Variants in XCL2 observed in about 807,000 individuals in gnomAD.
XCL2 encodes the protein cytokine SCM-1 beta.
XCL2 carries 8 observed loss-of-function variants against 7.2 expected under a neutral mutation model. The observed-to-expected ratio is 1.10, with a 90% CI of 0.65 to 1.99. The LOEUF is 1.99. XCL2 is among the 30% of genes most tolerant of loss of function. XCL2 has a pLI of 0.00. For synonymous variants in XCL2, 46 were observed against 54.2 expected (o/e 0.85, Z 0.67); for missense variants, 131 against 138.6 (o/e 0.94, Z 0.28).
At chr1:168,541,268 C>G in intron 2 of XCL2, 148 bp from the exon 3 acceptor site, 1 of 1,132,028 alleles carries the variant, frequency 8.8e-7, no homozygotes, top group Non-Finnish European at 1.2e-6. Context: ...TAAATGAGCA[C>G]CCTTCTTCTG....
rs1449908490 is a variant in XCL2, at chr1:168,542,028, G to A, written c.141C>T (p.Thr47=). 7 of 1,607,122 alleles carry A rather than the reference G, an allele frequency of 4.4e-6. No homozygotes were observed. The East Asian group carries it at 1.6e-4, about 36-fold the overall frequency. Residue 47 remains threonine (T), a synonymous_variant, in exon 2 of 3, where the codon ACC becomes ACT. Transcript: ENST00000367819. ...TCAAGGAGCCTTCCGTGATGGTGTA[G>A]GTCTTGATTCTGCTAACTGGCAGTC... The part of the protein sequence containing the change: ...TQRLPVSRIK[T]YTITEGSLRA...
intron 2 of XCL2, 108 bp from the exon 3 acceptor site, chr1:168,541,228 A>G (rs1654274862): frequency 2.2e-6 from 3 of 1,387,370 alleles, no homozygotes; most frequent in Admixed American, 2.6e-5. Context: ...AAATTACTGC[A>G]AGAAATAGTC....
chr1:168,543,887 A>T lies in XCL2; in HGVS notation c.61+17T>A, dbSNP rs1654343990. The T allele has an allele frequency of 6.3e-7, 1 of 1,595,976 alleles. No homozygotes were observed. ...TGCCTCCCTATTCTTTATCTCACAG[A>T]CAGCTTCTCCACTTACCTTCCACAA... On this transcript the variant is annotated intron_variant, in intron 1 of 2. Transcript: ENST00000367819.
rs576188088 is a variant in XCL2 at position 168,541,747 on chromosome 1, T to C, written c.176+246A>G. The stretch of plus-strand genomic sequence containing the variant: ...GAGCTGTGCACAGTATTCAACAGAC[T>C]CTTCCACTAAGACAAATAGAGGAGG... On this transcript the variant is annotated intron_variant, in intron 2 of 2. Transcript: ENST00000367819. Among the ~76,000 whole-genome samples, 3 of 152,312 alleles carry C rather than the reference T, an allele frequency of 2.0e-5. No individual in the cohort carries two copies. In the East Asian group the frequency reaches 5.8e-4, roughly 29 times the overall value.
intron 2 of XCL2, 45 bp downstream of exon 2, chr1:168,541,948 C>T (rs750415654): frequency 1.3e-5 from 20 of 1,593,402 alleles, no homozygotes; most frequent in South Asian, 1.0e-4. Context: ...TATTTCTATA[C>T]CTCTAGGTAC....
intron 2 of XCL2, 150 bp downstream of exon 2, chr1:168,541,843 G>A (rs114737056): frequency 0.11 from 68,275 of 638,398 alleles, 4,091 homozygotes; most frequent in Middle Eastern, 0.17. Context: ...GAAAGACATG[G>A]TTGATAAGGA....
In XCL2 at chr1:168,543,107, A is replaced by G. The variant is rs1264729478; in HGVS notation, c.61+797T>C. Reference sequence around the variant, plus strand: ...GGCCCAGGCTGAGAAGAAAGCTGCTAGCAAAGGGGTTGTCCCCACTAGGAA... The same window carrying G: ...GGCCCAGGCTGAGAAGAAAGCTGCTGGCAAAGGGGTTGTCCCCACTAGGAA... On this transcript the variant is annotated intron_variant, in intron 1 of 2. Coordinates refer to ENST00000367819, the MANE Select transcript of XCL2 (RefSeq NM_003175.4). The G allele has an allele frequency of 1.7e-4, 60 of 358,136 alleles. No homozygotes were observed. The Admixed American group carries it at 2.3e-3, about 14-fold the overall frequency. 22.2% of individuals were successfully genotyped at this position (358,136 alleles called of 1,614,324 possible). A position where few individuals can be genotyped will look rare whatever the true frequency, so the allele number is the denominator to read the frequency against.
In XCL2 at chr1:168,541,975, C is replaced by T. The variant is rs747789111; in HGVS notation, c.176+18G>A. The T allele has an allele frequency of 1.2e-6, 2 of 1,609,726 alleles. No individual in the cohort carries two copies. Among genetic ancestry groups the T allele is most frequent in the Non-Finnish European group, 1.7e-6 (2 of 1,177,716 alleles). On this transcript the variant is annotated intron_variant, in intron 2 of 2. Coordinates refer to ENST00000367819, the MANE Select transcript of XCL2 (RefSeq NM_003175.4). ...TCTAGGTACCCACCCAGCCCAACTT[C>T]TGAGGAGGCAGACTCACATTACTGC...
chr1:168,543,924 A>T lies in XCL2; in HGVS notation c.41T>A (p.Leu14His). The T allele has an allele frequency of 1.2e-6, 2 of 1,610,986 alleles. No homozygotes were observed. The highest frequency in any genetic ancestry group is 1.7e-6 in the Non-Finnish European group (2 of 1,178,602). Reference sequence around the variant, plus strand: ...CTTACCTTCCACAATGTATGCAGTGAGAGAGCAGATGCCAAGGAGGGCCAG... The same window carrying T: ...CTTACCTTCCACAATGTATGCAGTGTGAGAGCAGATGCCAAGGAGGGCCAG... ...LILALLGICS[L>H]TAYIVEGVGS... is the part of the protein sequence containing the mutation. The change falls in exon 1 of 3, where the codon CTC (leucine) becomes CAC (histidine). Residue 14 changes from leucine (L) to histidine (H), a missense_variant. Coordinates refer to ENST00000367819, the MANE Select transcript of XCL2 (RefSeq NM_003175.4).
intron 1 of XCL2, 78 bp from the exon 2 acceptor site, chr1:168,542,185 T>C: frequency 7.9e-7 from 1 of 1,261,950 alleles, no homozygotes; most frequent in Non-Finnish European, 1.1e-6. Flanking sequence ...TCTGTTAAAT[T>C]ACTCTGAGAA....
rs1359547040 is a variant in XCL2 at position 168,542,027 on chromosome 1, A to C, written c.142T>G (p.Tyr48Asp). 3 of 1,607,178 alleles carry C rather than the reference A, an allele frequency of 1.9e-6. No homozygotes were observed. Among genetic ancestry groups the C allele is most frequent in the Admixed American group, 1.7e-5 (1 of 58,826 alleles). ...QRLPVSRIKT[Y>D]TITEGSLRAV... The stretch of plus-strand genomic sequence containing the variant: ...CTCAAGGAGCCTTCCGTGATGGTGT[A>C]GGTCTTGATTCTGCTAACTGGCAGT... Residue 48 changes from tyrosine to aspartate, a missense_variant, in exon 2 of 3, where the codon TAC becomes GAC. Physicochemically the swap from Tyr to Asp is radical, Grantham distance 160. Transcript: ENST00000367819.
At position 168,542,012 on chromosome 1, in the gene XCL2, C is replaced by T. The variant is rs370855359; in HGVS notation, c.157G>A (p.Gly53Ser). The T allele has an allele frequency of 1.9e-6, 3 of 1,610,466 alleles. No individual in the cohort carries two copies. The African/African-American group carries it at 4.0e-5, about 22-fold the overall frequency. Residue 53 changes from glycine to serine, a missense_variant, in exon 2 of 3, where the codon GGC (glycine) becomes AGC (serine). Coordinates refer to ENST00000367819, the MANE Select transcript of XCL2 (RefSeq NM_003175.4). ...ACTCACATTACTGCTCTCAAGGAGC[C>T]TTCCGTGATGGTGTAGGTCTTGATT... Reference protein sequence around the residue: ...SRIKTYTITEGSLRAVIFITK... With the variant: ...SRIKTYTITESSLRAVIFITK...
intron 1 of XCL2, 119 bp from the exon 2 acceptor site, chr1:168,542,226 T>C: frequency 1.2e-6 from 1 of 823,726 alleles, no homozygotes; most frequent in Non-Finnish European, 1.7e-6. Context: ...ATTTGCTTTT[T>C]GGGGGAAGAG....
At chr1:168,542,626 G>A (rs1288159958) in intron 1 of XCL2, 1 of 158,698 alleles carries the variant, frequency 6.3e-6, no homozygotes, top group African/African-American at 2.4e-5. Context: ...GAGTACTCTA[G>A]GCAAGGCAAC....
At chr1:168,541,844 T>C (rs1005429752) in intron 2 of XCL2, 149 bp downstream of exon 2, 5 of 639,766 alleles carry the variant, frequency 7.8e-6, no homozygotes, top group Non-Finnish European at 1.3e-5. Context: ...AAAGACATGG[T>C]TGATAAGGAA....
chr1:168,543,753 C>G, intron 1 of XCL2, 151 bp downstream of exon 1: 2 of 980,400 alleles, frequency 2.0e-6, no homozygotes, highest in South Asian at 3.3e-5. Flanking sequence ...CCTCTACAGT[C>G]AAAATCATCA....
chr1:168,543,410 C>T lies in XCL2; in HGVS notation c.61+494G>A, dbSNP rs182017383. The T allele has an allele frequency of 6.1e-4, 111 of 183,090 alleles. 1 individual carries two copies. In the East Asian group the frequency reaches 0.017, roughly 28 times the overall value. 11.3% of individuals were successfully genotyped at this position (183,090 alleles called of 1,614,324 possible). ...GAACATACATCCTCTGGTGCATCCCCATATTGTAACTGAACTCTCTAAGAT... is the reference window on the plus strand; with the variant it reads ...GAACATACATCCTCTGGTGCATCCCTATATTGTAACTGAACTCTCTAAGAT... On this transcript the variant is annotated intron_variant, in intron 1 of 2. Transcript: ENST00000367819.
intron 1 of XCL2, 49 bp downstream of exon 1, chr1:168,543,855 C>T (rs753516922): frequency 7.5e-6 from 12 of 1,599,454 alleles, no homozygotes; most frequent in South Asian, 1.1e-5. Flanking sequence ...TGTGTGCCCA[C>T]CTGCCTTGCC....
At position 168,540,880 on chromosome 1, in the gene XCL2, A is replaced by G; in HGVS notation, c.*72T>C. 3 of 1,547,966 alleles carry G rather than the reference A, an allele frequency of 1.9e-6. No homozygotes were observed. The highest frequency in any genetic ancestry group is 3.5e-4 in the Middle Eastern group (2 of 5,718). On this transcript the variant is annotated 3_prime_UTR_variant, in exon 3 of 3. Coordinates refer to ENST00000367819, the MANE Select transcript of XCL2 (RefSeq NM_003175.4). ...TGCAGTGCTTTCATAAAAGGTGAGT[A>G]TAATCTCAGTCCATGAGGGTGTAAA...
Sources: gnomAD v4.1 joint callset for allele counts (sites outside exome capture counted in the v4.1 genomes callset) on GRCh38, gnomAD v4.1.1 for gene constraint, MANE v1.5 for transcripts, NCBI Gene and HGNC (gene_info 2026-07-23, HGNC 2026-07-21) for gene names.